The following CHSY3 variants were observed in gnomAD, a reference collection of about 807,000 sequenced individuals.
The protein encoded by CHSY3 is chondroitin sulfate synthase 3.
CHSY3 carries 35 observed loss-of-function variants against 67.2 expected under a neutral mutation model. The ratio of observed to expected loss-of-function variants is 0.52; its 90% CI spans 0.40 to 0.69. The LOEUF is 0.69. Among genes scored for constraint, CHSY3 ranks in the 30% least tolerant of loss-of-function variants. The pLI is 0.00. For synonymous variants in CHSY3, 474 were observed against 434.7 expected (o/e 1.09, Z -1.12); for missense variants, 1,069 against 1,138.5 (o/e 0.94, Z 0.88).
At chr5:130,005,896 C>G (rs1162936838) in intron 2 of CHSY3, among the ~76,000 whole-genome samples, 2 of 151,964 alleles carry the variant, frequency 1.3e-5, no homozygotes, top group Non-Finnish European at 2.9e-5. Context: ...TTTAATTTAT[C>G]TTCATTATGC....
In CHSY3 at chr5:130,140,909, TC is replaced by T. The variant is rs1006473681; in HGVS notation, c.1087-43318del. 1.2e-4 allele frequency: 86 copies of T among 705,130 alleles called. No individual in the cohort carries two copies. The African/African-American group carries it at 1.5e-3, about 12-fold the overall frequency. 43.7% of individuals were successfully genotyped at this position (705,130 alleles called of 1,614,324 possible). ...CTTTGCAGGAATTGACTTCAATACCTCCATTTTCCATGCCTTATTTGAAGAA... is the reference window on the plus strand; with the variant it reads ...CTTTGCAGGAATTGACTTCAATACCTCATTTTCCATGCCTTATTTGAAGAA... On this transcript the variant is annotated intron_variant, in intron 2 of 2. Transcript: ENST00000305031.
rs1760399042 is a variant in CHSY3, at chr5:129,908,370, GAGCTGTGATGAA to G, written c.1086+12_1086+23del. 1 of 1,612,508 alleles carries G rather than the reference GAGCTGTGATGAA, an allele frequency of 6.2e-7. No individual in the cohort carries two copies. The highest frequency in any genetic ancestry group is 1.3e-5 in the African/African-American group (1 of 74,884). On this transcript the variant is annotated intron_variant, in intron 2 of 2. Transcript: ENST00000305031. Reference sequence around the variant, plus strand: ...TGTCTGGTCTTACGAGGTAAGCATGGAGCTGTGATGAAAATGTTCACATAGTACATATACATG... The same window carrying G: ...TGTCTGGTCTTACGAGGTAAGCATGGAATGTTCACATAGTACATATACATG...
chr5:130,080,037 T>C (rs199747846), intron 2 of CHSY3, among the ~76,000 whole-genome samples: 41 of 143,318 alleles, frequency 2.9e-4, no homozygotes, highest in African/African-American at 8.2e-4. Flanking sequence ...CACCTGAACA[T>C]ACACACACAC....
In CHSY3 at chr5:129,930,749, G is replaced by A. The variant is rs184114537; in HGVS notation, c.1086+22389G>A. Among the ~76,000 whole-genome samples the A allele has an allele frequency of 1.5e-3, 228 of 152,178 alleles. 1 individual carries two copies. The highest frequency in any genetic ancestry group is 5.4e-3 in the African/African-American group (224 of 41,510). On this transcript the variant is annotated intron_variant, in intron 2 of 2. Coordinates refer to ENST00000305031, the MANE Select transcript of CHSY3 (RefSeq NM_175856.5). ...TAAGAGTCCCAGCTGTTGTCAAAAA[G>A]CCATGGGAAGACTACAGATGAGATG...
At chr5:129,965,529 G>A (rs990824807) in intron 2 of CHSY3, among the ~76,000 whole-genome samples, 1 of 151,806 alleles carries the variant, frequency 6.6e-6, no homozygotes, top group African/African-American at 2.4e-5. Context: ...GTGCTGCAGT[G>A]CACCTTGAGG....
At chr5:130,149,242 C>T (rs931358014) in intron 2 of CHSY3, among the ~76,000 whole-genome samples, 1 of 152,080 alleles carries the variant, frequency 6.6e-6, no homozygotes, top group African/African-American at 2.4e-5. Flanking sequence ...TTAGGCTGTT[C>T]TTGCATTGCT....
chr5:129,907,376 G>A (rs1185600740), intron 1 of CHSY3, among the ~76,000 whole-genome samples: 1 of 152,148 alleles, frequency 6.6e-6, no homozygotes, highest in Non-Finnish European at 1.5e-5. Flanking sequence ...TAAAGATGCT[G>A]ACTGGGAATA....
intron 2 of CHSY3, among the ~76,000 whole-genome samples, chr5:130,075,543 C>T (rs1766222519): frequency 6.6e-6 from 1 of 152,024 alleles, no homozygotes; most frequent in South Asian, 2.1e-4. Flanking sequence ...GGCTGTTACA[C>T]ACATAAGACA....
At chr5:130,154,209 G>A (rs991691619) in intron 2 of CHSY3, among the ~76,000 whole-genome samples, 6 of 152,110 alleles carry the variant, frequency 3.9e-5, no homozygotes, top group African/African-American at 1.2e-4. Context: ...GAGCCACCGC[G>A]TCTGGCCCTG....
chr5:130,016,476 A>T (rs1281177584), intron 2 of CHSY3, among the ~76,000 whole-genome samples: 1 of 152,200 alleles, frequency 6.6e-6, no homozygotes, highest in African/African-American at 2.4e-5. Context: ...CAGTGGCACG[A>T]TCTCAGCTCA....
At chr5:130,046,320 C>A (rs530065696) in intron 2 of CHSY3, among the ~76,000 whole-genome samples, 3 of 152,182 alleles carry the variant, frequency 2.0e-5, no homozygotes, top group South Asian at 4.1e-4. Flanking sequence ...TTATACTATT[C>A]TTTTAGTATA....
chr5:130,162,566 G>GAATGATTTAATTCACTCATCATGCAC (rs1769589356), intron 2 of CHSY3, among the ~76,000 whole-genome samples: 1 of 152,080 alleles, frequency 6.6e-6, no homozygotes, highest in African/African-American at 2.4e-5. Flanking sequence ...ACGGGGTCTT[G>GAATGATTTAATTCACTCATCATGCAC]TTCTGTCACC....
intron 2 of CHSY3, among the ~76,000 whole-genome samples, chr5:129,993,198 A>C (rs1052687347): frequency 6.6e-6 from 1 of 152,164 alleles, no homozygotes; most frequent in African/African-American, 2.4e-5. Context: ...CCAAGATTCT[A>C]GTTCTCGTCA....
intron 2 of CHSY3, among the ~76,000 whole-genome samples, chr5:130,142,746 T>C (rs925453908): frequency 1.3e-5 from 2 of 152,092 alleles, no homozygotes; most frequent in Non-Finnish European, 2.9e-5. Flanking sequence ...AAATTTCCAC[T>C]TTCCAAAGAC....
chr5:130,132,957 A>G (rs1768530165), intron 2 of CHSY3, among the ~76,000 whole-genome samples: 1 of 152,196 alleles, frequency 6.6e-6, no homozygotes, highest in Admixed American at 6.5e-5. Flanking sequence ...ACATCATAAA[A>G]GCAATAGTTA....
intron 2 of CHSY3, among the ~76,000 whole-genome samples, chr5:130,076,194 A>G (rs10076047): frequency 0.098 from 14,907 of 152,106 alleles, 866 homozygotes; most frequent in African/African-American, 0.16. Flanking sequence ...TTTGAGAGCT[A>G]TAAGCATCTA....
chr5:130,070,690 T>C (rs1041788936), intron 2 of CHSY3, among the ~76,000 whole-genome samples: 1 of 152,218 alleles, frequency 6.6e-6, no homozygotes, highest in East Asian at 1.9e-4. Flanking sequence ...ATTTATTTAT[T>C]ACAGTCATAT....
intron 2 of CHSY3, among the ~76,000 whole-genome samples, chr5:130,154,449 A>C (rs1769316566): frequency 6.6e-6 from 1 of 152,170 alleles, no homozygotes; most frequent in Non-Finnish European, 1.5e-5. Flanking sequence ...TATTATCTTA[A>C]ACTATCTCAG....
At chr5:130,159,273 TC>T (rs1769459489) in intron 2 of CHSY3, among the ~76,000 whole-genome samples, 1 of 145,966 alleles carries the variant, frequency 6.9e-6, no homozygotes, top group African/African-American at 2.5e-5. Flanking sequence ...CAGGTGATCC[TC>T]CCACCCCAGC....
Sources: allele counts gnomAD v4.1 joint callset (sites outside exome capture counted in the v4.1 genomes callset), GRCh38; gene constraint gnomAD v4.1.1; transcripts MANE v1.5; gene names NCBI Gene and HGNC (gene_info 2026-07-23, HGNC 2026-07-21).